The following PHTF2 variants were observed in gnomAD, a reference collection of about 807,000 sequenced individuals.
PHTF2 encodes putative homeodomain transcription factor 2.
PHTF2 carries 60 observed loss-of-function variants against 101.2 expected under a neutral mutation model. The observed-to-expected ratio is 0.59, with a 90% CI of 0.48 to 0.73. The LOEUF (loss-of-function observed/expected upper bound fraction) is 0.73. Among genes scored for constraint, PHTF2 ranks in the 30% least tolerant of loss-of-function variants. The probability of loss-of-function intolerance (pLI) is 0.00; values close to 1 mark genes in which losing one functional copy is unlikely to be tolerated. For missense variants in PHTF2, 747 were observed against 908.7 expected (o/e 0.82, Z 2.29); for synonymous variants, 311 against 307.3 (o/e 1.01, Z -0.13).
intron 8 of PHTF2, 189 bp from the exon 8 acceptor site, chr7:77,910,056 C>T (rs1445715676): frequency 2.0e-6 from 1 of 504,208 alleles, no homozygotes; most frequent in African/African-American, 2.0e-5. Flanking sequence ...AATACCTTAA[C>T]ATTTCTAGAA....
At chr7:77,808,878 A>G (rs1793195140) in intron 1 of PHTF2, among the ~76,000 whole-genome samples, 1 of 152,176 alleles carries the variant, frequency 6.6e-6, no homozygotes, top group African/African-American at 2.4e-5. Context: ...CCAATATCTG[A>G]AAATGTTTCA....
intron 12 of PHTF2, among the ~76,000 whole-genome samples, chr7:77,936,244 T>C (rs1366285819): frequency 6.6e-6 from 1 of 152,194 alleles, no homozygotes; most frequent in African/African-American, 2.4e-5. Context: ...TTTTTTACCA[T>C]ATTTTAATCA....
intron 5 of PHTF2, chr7:77,895,037 C>A: frequency 2.8e-6 from 1 of 360,174 alleles, no homozygotes; most frequent in Non-Finnish European, 5.4e-6. Flanking sequence ...AGATTTTAAG[C>A]AGAAGATTAT....
At chr7:77,941,290 A>G (rs1465393074) in intron 15 of PHTF2, among the ~76,000 whole-genome samples, 1 of 152,160 alleles carries the variant, frequency 6.6e-6, no homozygotes, top group East Asian at 1.9e-4. Context: ...TTATATTTAA[A>G]AAATTCATTG....
chr7:77,938,460 G>A (rs1805347484), intron 13 of PHTF2, among the ~76,000 whole-genome samples: 1 of 152,196 alleles, frequency 6.6e-6, no homozygotes, highest in South Asian at 2.1e-4. Context: ...GCCGGGCGCG[G>A]TGGCTCACGC....
intron 3 of PHTF2, among the ~76,000 whole-genome samples, chr7:77,892,015 C>CG (rs1267996997): frequency 1.3e-5 from 2 of 152,224 alleles, no homozygotes; most frequent in Non-Finnish European, 2.9e-5. Flanking sequence ...CGTTGGCTCA[C>CG]GCCTGTAATC....
chr7:77,879,104 C>G (rs1284279191), intron 3 of PHTF2, among the ~76,000 whole-genome samples: 1 of 152,216 alleles, frequency 6.6e-6, no homozygotes, highest in Non-Finnish European at 1.5e-5. Context: ...GTTTCCTATT[C>G]CTGTACATTT....
At chr7:77,826,812 G>C (rs1423330646) in intron 1 of PHTF2, among the ~76,000 whole-genome samples, 1 of 152,194 alleles carries the variant, frequency 6.6e-6, no homozygotes, top group African/African-American at 2.4e-5. Context: ...TACACAGGAA[G>C]CAAGCAGATG....
chr7:77,816,073 T>C (rs954595579), intron 1 of PHTF2, among the ~76,000 whole-genome samples: 7 of 152,110 alleles, frequency 4.6e-5, no homozygotes, highest in Non-Finnish European at 1.0e-4. Flanking sequence ...TATATTGGAA[T>C]AACTTTTTTT....
chr7:77,927,552 C>G (rs1029381154), intron 11 of PHTF2, among the ~76,000 whole-genome samples: 1 of 150,746 alleles, frequency 6.6e-6, no homozygotes, highest in Non-Finnish European at 1.5e-5. Flanking sequence ...GTGAAGATCA[C>G]GTGCCACTGC....
Position 77,884,692 on chromosome 7 carries a change from T to A in PHTF2, c.148-8916T>A, listed in dbSNP as rs1378390602. ...CAGGTGGATCACTTGAGGTCAGGAGTTCGAGACCAGCCTGACCAATATGGT... is the reference window on the plus strand; with the variant it reads ...CAGGTGGATCACTTGAGGTCAGGAGATCGAGACCAGCCTGACCAATATGGT... On this transcript the variant is annotated intron_variant, in intron 3 of 19. Transcript: ENST00000416283. Among the ~76,000 whole-genome samples, 3 of 151,956 alleles carry A rather than the reference T, an allele frequency of 2.0e-5. No homozygotes were observed. The East Asian group carries it at 5.8e-4, about 29-fold the overall frequency.
intron 3 of PHTF2, among the ~76,000 whole-genome samples, chr7:77,890,533 G>T (rs1267826294): frequency 6.6e-5 from 10 of 151,106 alleles, no homozygotes; most frequent in Admixed American, 6.6e-4. Flanking sequence ...ACATATTGGT[G>T]CCTATTCTTT....
At chr7:77,817,695 A>G (rs999708450) in intron 1 of PHTF2, among the ~76,000 whole-genome samples, 2 of 152,248 alleles carry the variant, frequency 1.3e-5, no homozygotes, top group Non-Finnish European at 2.9e-5. Context: ...AACCATATCA[A>G]TTAGTGATGT....
chr7:77,801,827 G>C (rs143886823), intron 1 of PHTF2, among the ~76,000 whole-genome samples: 273 of 152,290 alleles, frequency 1.8e-3, no homozygotes, highest in Admixed American at 3.7e-3. Context: ...CAAGAATTCA[G>C]TTAAAGTATA....
intron 3 of PHTF2, among the ~76,000 whole-genome samples, chr7:77,862,067 A>G (rs1797691111): frequency 6.6e-6 from 1 of 151,588 alleles, no homozygotes; most frequent in Non-Finnish European, 1.5e-5. Context: ...CAAAAAAAAA[A>G]AAAAGAAGGA....
intron 7 of PHTF2, among the ~76,000 whole-genome samples, chr7:77,904,527 GA>G (rs534047468): frequency 2.4e-4 from 36 of 152,340 alleles, no homozygotes; most frequent in Admixed American, 2.4e-3. Context: ...CTGAGGGGTG[GA>G]AGTGCAAGAG....
chr7:77,885,476 GCT>G (rs553388924), intron 3 of PHTF2, among the ~76,000 whole-genome samples: 95 of 151,856 alleles, frequency 6.3e-4, no homozygotes, highest in African/African-American at 1.8e-3. Context: ...ATGGAGTCTT[GCT>G]CTGTCACCCA....
chr7:77,865,555 A>G (rs1797989225), intron 3 of PHTF2, among the ~76,000 whole-genome samples: 1 of 152,006 alleles, frequency 6.6e-6, no homozygotes, highest in Non-Finnish European at 1.5e-5. Flanking sequence ...TTATTATTCT[A>G]CTTCTGTATT....
chr7:77,835,845 C>T (rs1456820542), intron 1 of PHTF2, among the ~76,000 whole-genome samples: 1 of 152,040 alleles, frequency 6.6e-6, no homozygotes, highest in Non-Finnish European at 1.5e-5. Flanking sequence ...ATAGGCCGGG[C>T]ACAGTGGCTC....
Sources: gnomAD v4.1 joint callset for allele counts (sites outside exome capture counted in the v4.1 genomes callset) on GRCh38, gnomAD v4.1.1 for gene constraint, MANE v1.5 for transcripts, NCBI Gene and HGNC (gene_info 2026-07-23, HGNC 2026-07-21) for gene names.